Variants in RAB30 observed in about 807,000 individuals in gnomAD.
The protein encoded by RAB30 is RAB30, member RAS oncogene family.
Under a neutral mutation model 25.1 loss-of-function variants are expected in RAB30, and 9 were observed. That is an observed-to-expected ratio of 0.36 (90% confidence interval 0.22 to 0.63). RAB30 has a LOEUF of 0.63. Ranked by LOEUF, RAB30 falls within the 20% of genes least tolerant of loss-of-function variation. The pLI, the probability that RAB30 is intolerant of heterozygous loss-of-function variation, is 0.69. For missense variants in RAB30, 140 were observed against 243.5 expected (o/e 0.58, Z 2.83); for synonymous variants, 77 against 86.4 (o/e 0.89, Z 0.60).
At position 82,982,078 on chromosome 11, in the gene RAB30, G is replaced by C. The variant is rs1856648655; in HGVS notation, c.*87C>G. ...ACAGGAGTCAGAAGGTCAGAGAGCG[G>C]GAGCCACAGTCATCGCCAGATCTCC... On this transcript the variant is annotated 3_prime_UTR_variant, in exon 5 of 5. Coordinates refer to ENST00000527633, the MANE Select transcript of RAB30 (RefSeq NM_001286060.2). The C allele has an allele frequency of 1.3e-6, 2 of 1,559,208 alleles. No homozygotes were observed. The highest frequency in any genetic ancestry group is 1.7e-5 in the Admixed American group (1 of 57,810).
chr11:82,984,271 A>G (rs1856696195), intron 4 of RAB30, among the ~76,000 whole-genome samples: 2 of 152,218 alleles, frequency 1.3e-5, no homozygotes, highest in Admixed American at 6.5e-5. Flanking sequence ...TGGTGACTTC[A>G]TTTGAAGAGA....
chr11:83,020,247 GC>G (rs1335739486), intron 1 of RAB30, among the ~76,000 whole-genome samples: 2 of 152,238 alleles, frequency 1.3e-5, no homozygotes, highest in East Asian at 3.8e-4. Context: ...GCCCCCGCTT[GC>G]CTGTGCAGGC....
chr11:82,979,400 C>T lies in RAB30; in HGVS notation c.*2765G>A, dbSNP rs1269490442. The stretch of plus-strand genomic sequence containing the variant: ...TATGATAAAGCAATTTCTCTTTTTT[C>T]ATCCACCACTAAATGAGAGTTCATT... On this transcript the variant is annotated 3_prime_UTR_variant, in exon 5 of 5. Coordinates refer to ENST00000527633, the MANE Select transcript of RAB30 (RefSeq NM_001286060.2). The T allele has an allele frequency of 1.3e-5, 2 of 152,100 alleles. No homozygotes were observed. Among genetic ancestry groups the T allele is most frequent in the Non-Finnish European group, 2.9e-5 (2 of 68,006 alleles). The allele number at this position is 152,100 out of a possible 1,614,324, so 9.4% of individuals were successfully genotyped here. A position where few individuals can be genotyped will look rare whatever the true frequency, so the allele number is the denominator to read the frequency against.
chr11:82,987,072 T>C (rs902272280), intron 4 of RAB30: 2 of 152,200 alleles, frequency 1.3e-5, no homozygotes, highest in African/African-American at 4.8e-5. Flanking sequence ...TTTCCCCCCA[T>C]ACTAAATAGA....
At chr11:83,036,274 C>A (rs1443185070) in intron 1 of RAB30, among the ~76,000 whole-genome samples, 2 of 151,620 alleles carry the variant, frequency 1.3e-5, no homozygotes, top group East Asian at 3.9e-4. Context: ...TCACACAATT[C>A]TCCTGCTTCA....
intron 1 of RAB30, among the ~76,000 whole-genome samples, chr11:83,045,605 T>C (rs1008642745): frequency 2.6e-5 from 4 of 152,182 alleles, no homozygotes; most frequent in African/African-American, 9.7e-5. Context: ...TGAGCCTAGA[T>C]CCTGACTCTA....
At position 83,014,619 on chromosome 11, in the gene RAB30, A is replaced by G. The variant is rs575760261; in HGVS notation, c.-8-17295T>C. Among the ~76,000 whole-genome samples the G allele has an allele frequency of 2.7e-3, 263 of 98,744 alleles. 1 individual carries two copies. The highest frequency in any genetic ancestry group is 0.011 in the Middle Eastern group (2 of 182). The allele number at this position is 98,744 out of a possible 152,430, so 64.8% of individuals were successfully genotyped here. The stretch of plus-strand genomic sequence containing the variant: ...AGGCAGAGGCAGAGAGAGACAAAGA[A>G]AGAAAGAAGTAAGAAAAAGAAAGAA... On this transcript the variant is annotated intron_variant, in intron 1 of 4. Coordinates refer to ENST00000527633, the MANE Select transcript of RAB30 (RefSeq NM_001286060.2).
intron 4 of RAB30, among the ~76,000 whole-genome samples, chr11:82,986,506 C>G (rs1856741225): frequency 6.6e-6 from 1 of 152,210 alleles, no homozygotes; most frequent in Non-Finnish European, 1.5e-5. Context: ...GGTACAAATG[C>G]AGACCTCTCA....
At chr11:83,013,715 G>A (rs762309449) in intron 1 of RAB30, among the ~76,000 whole-genome samples, 1 of 152,176 alleles carries the variant, frequency 6.6e-6, no homozygotes, top group Non-Finnish European at 1.5e-5. Context: ...CTCTGTGTGC[G>A]TTGGAGGACC....
At position 82,974,945 on chromosome 11, in the gene RAB30, CTTTTTTTTTT is replaced by C. The variant is rs532736733; in HGVS notation, c.*7210_*7219del. The C allele has an allele frequency of 7.6e-6, 1 of 130,890 alleles. No individual in the cohort carries two copies. The highest frequency in any genetic ancestry group is 2.2e-4 in the East Asian group (1 of 4,564). The allele number at this position is 130,890 out of a possible 1,614,324, so 8.1% of individuals were successfully genotyped here. ...TTTTGAGCAGAGTTTGTTGTTTTTT[CTTTTTTTTTT>C]TTTTTTTGCTGAAAACAGAAATTTT... On this transcript the variant is annotated 3_prime_UTR_variant, in exon 5 of 5. Transcript: ENST00000527633.
At chr11:82,987,905 T>TAAACAAAAAAAAAAAAA (rs1491145878) in intron 3 of RAB30, 135 bp from the exon 4 acceptor site, 13 of 35,430 alleles carry the variant, frequency 3.7e-4, no homozygotes, top group Admixed American at 1.4e-3. Flanking sequence ...TTTTCTGCCC[T>TAAACAAAAAAAAAAAAA]AAAAAAAAAA....
chr11:82,991,313 A>G (rs1856845471), intron 3 of RAB30, among the ~76,000 whole-genome samples: 1 of 152,046 alleles, frequency 6.6e-6, no homozygotes, highest in African/African-American at 2.4e-5. Flanking sequence ...TCAACATGGC[A>G]ACATAGTGAG....
intron 2 of RAB30, among the ~76,000 whole-genome samples, chr11:82,996,313 A>C (rs1856958091): frequency 6.6e-6 from 1 of 152,184 alleles, no homozygotes; most frequent in African/African-American, 2.4e-5. Context: ...AGTCCCAGGA[A>C]AGGGAGGTAA....
intron 1 of RAB30, among the ~76,000 whole-genome samples, chr11:83,029,456 G>A (rs185915521): frequency 6.6e-6 from 1 of 151,674 alleles, no homozygotes. Flanking sequence ...AGGCTGGAGT[G>A]CAGTGGTGTC....
intron 1 of RAB30, among the ~76,000 whole-genome samples, chr11:83,002,009 G>A (rs1329819503): frequency 1.3e-5 from 2 of 152,146 alleles, no homozygotes; most frequent in African/African-American, 4.8e-5. Context: ...TTGCAGAAGA[G>A]GAAGCTGAGA....
At chr11:83,013,762 A>C (rs1857355267) in intron 1 of RAB30, among the ~76,000 whole-genome samples, 1 of 152,242 alleles carries the variant, frequency 6.6e-6, no homozygotes, top group Admixed American at 6.5e-5. Context: ...ATACTGCAGG[A>C]GATCCAGACT....
intron 1 of RAB30, among the ~76,000 whole-genome samples, chr11:83,013,639 A>T (rs894267172): frequency 1.3e-5 from 2 of 152,238 alleles, no homozygotes; most frequent in African/African-American, 4.8e-5. Flanking sequence ...GGCAAAGATC[A>T]TATAACCAAA....
intron 1 of RAB30, among the ~76,000 whole-genome samples, chr11:83,050,875 G>A (rs977496543): frequency 6.6e-6 from 1 of 152,152 alleles, no homozygotes; most frequent in East Asian, 1.9e-4. Context: ...GGTTGGAAAG[G>A]TTGCAGTGAA....
intron 2 of RAB30, among the ~76,000 whole-genome samples, chr11:82,996,167 C>T (rs1203447027): frequency 6.6e-6 from 1 of 152,136 alleles, no homozygotes; most frequent in Non-Finnish European, 1.5e-5. Context: ...TGGGAAAAAC[C>T]CTGACATTTC....
Sources: allele counts gnomAD v4.1 joint callset (sites outside exome capture counted in the v4.1 genomes callset), GRCh38; gene constraint gnomAD v4.1.1; transcripts MANE v1.5; gene names NCBI Gene and HGNC (gene_info 2026-07-23, HGNC 2026-07-21).